ELAVL4: variants seen among roughly 807,000 people sequenced by gnomAD.
ELAVL4 encodes ELAV like RNA binding protein 4, also known as ELAV-like protein 4.
ELAVL4 carries 1 observed loss-of-function variant against 35.6 expected under a neutral mutation model. The observed-to-expected ratio is 0.03, with a 90% CI of 0.01 to 0.13. ELAVL4 has a LOEUF of 0.13. ELAVL4 is among the 10% of genes least tolerant of loss of function. ELAVL4 has a pLI of 1.00. For missense variants in ELAVL4, 267 were observed against 464.9 expected (o/e 0.57, Z 3.91); for synonymous variants, 156 against 171.0 (o/e 0.91, Z 0.69).
At chr1:50,170,432 G>C (rs188811514) in intron 2 of ELAVL4, among the ~76,000 whole-genome samples, 30 of 152,292 alleles carry the variant, frequency 2.0e-4, no homozygotes, top group African/African-American at 6.7e-4. Flanking sequence ...TGGGTGTGTA[G>C]TATCCCCAGA....
intron 1 of ELAVL4, among the ~76,000 whole-genome samples, chr1:50,087,983 C>G (rs1054916216): frequency 6.6e-6 from 1 of 152,210 alleles, no homozygotes; most frequent in Non-Finnish European, 1.5e-5. Context: ...ATTCTGGTTT[C>G]TAGACCCAGT....
At chr1:50,104,832 G>A (rs1440572959), upstream of ELAVL4, among the ~76,000 whole-genome samples, 1 of 152,180 alleles carries the variant, frequency 6.6e-6, no homozygotes, top group Non-Finnish European at 1.5e-5. Flanking sequence ...CAATCACTTG[G>A]AGCTTTCAAC....
intron 3 of ELAVL4, among the ~76,000 whole-genome samples, chr1:50,183,165 A>G (rs1681316226): frequency 6.6e-6 from 1 of 152,068 alleles, no homozygotes; most frequent in South Asian, 2.1e-4. Flanking sequence ...GCCGATTTCC[A>G]TCCTTTTTTT....
At chr1:50,099,560 CAAAAAAA>C (rs750905424), upstream of ELAVL4, among the ~76,000 whole-genome samples, 2 of 56,314 alleles carry the variant, frequency 3.6e-5, no homozygotes, top group Admixed American at 1.9e-4. Flanking sequence ...AACTCCGCCT[CAAAAAAA>C]AAAAAAAAAA....
At chr1:50,106,245 C>A, upstream of ELAVL4, 2 of 1,493,472 alleles carry the variant, frequency 1.3e-6, no homozygotes, top group Non-Finnish European at 1.8e-6. Flanking sequence ...TCCATCTGGA[C>A]TCTGTGTGGG....
intron 2 of ELAVL4, among the ~76,000 whole-genome samples, chr1:50,157,127 A>C (rs576046167): frequency 6.6e-6 from 1 of 152,308 alleles, no homozygotes; most frequent in African/African-American, 2.4e-5. Flanking sequence ...ATGTCAGGAT[A>C]ATTTCTGAGA....
chr1:50,088,585 C>T (rs992543965), intron 1 of ELAVL4, among the ~76,000 whole-genome samples: 1 of 152,156 alleles, frequency 6.6e-6, no homozygotes, highest in Non-Finnish European at 1.5e-5. Context: ...AATTCAATCT[C>T]GGACAAAGTA....
chr1:50,069,961 A>C (rs868353199), intron 1 of ELAVL4, among the ~76,000 whole-genome samples: 1 of 152,190 alleles, frequency 6.6e-6, no homozygotes, highest in African/African-American at 2.4e-5. Flanking sequence ...TTTTAGTGTC[A>C]AGGCTGTTTT....
intron 1 of ELAVL4, among the ~76,000 whole-genome samples, chr1:50,055,564 G>A (rs988737304): frequency 2.0e-5 from 3 of 152,026 alleles, no homozygotes; most frequent in Admixed American, 2.0e-4. Flanking sequence ...CTCCCAAAGT[G>A]CTGGGATTAC....
intron 1 of ELAVL4, among the ~76,000 whole-genome samples, chr1:50,064,945 G>A (rs890519596): frequency 6.6e-6 from 1 of 152,090 alleles, no homozygotes; most frequent in Non-Finnish European, 1.5e-5. Context: ...CTCCTCAAGG[G>A]CCAGTCTTGT....
intron 1 of ELAVL4, among the ~76,000 whole-genome samples, chr1:50,131,047 A>G (rs970978072): frequency 8.5e-5 from 13 of 152,156 alleles, no homozygotes; most frequent in Non-Finnish European, 1.9e-4. Flanking sequence ...TACCAAACAA[A>G]TTTTCTTTGT....
intron 2 of ELAVL4, among the ~76,000 whole-genome samples, chr1:50,146,984 G>T (rs745929631): frequency 3.9e-5 from 6 of 152,016 alleles, no homozygotes; most frequent in African/African-American, 1.4e-4. Flanking sequence ...GTAGTTCACC[G>T]AGTGGATTTG....
At chr1:50,056,128 G>A (rs182214109) in intron 1 of ELAVL4, among the ~76,000 whole-genome samples, 4 of 152,228 alleles carry the variant, frequency 2.6e-5, no homozygotes, top group Admixed American at 1.3e-4. Flanking sequence ...TATTCTCACA[G>A]CATGAGTTTC....
At chr1:50,142,920 A>G (rs1334879953) in intron 1 of ELAVL4, among the ~76,000 whole-genome samples, 2 of 152,258 alleles carry the variant, frequency 1.3e-5, no homozygotes, top group Non-Finnish European at 1.5e-5. Flanking sequence ...GGAAATTGCT[A>G]TAGCAGTGGG....
At chr1:50,121,656 G>GA (rs1161326799) in intron 1 of ELAVL4, among the ~76,000 whole-genome samples, 1 of 151,960 alleles carries the variant, frequency 6.6e-6, no homozygotes, top group African/African-American at 2.4e-5. Flanking sequence ...TTATACAAAG[G>GA]AAAAATAACA....
intron 1 of ELAVL4, among the ~76,000 whole-genome samples, chr1:50,124,165 C>T (rs1048535701): frequency 2.0e-5 from 3 of 152,050 alleles, no homozygotes; most frequent in East Asian, 3.9e-4. Context: ...TCACCAACCC[C>T]AGTTCTGTAA....
At chr1:50,084,682 G>A (rs1457847400) in intron 1 of ELAVL4, among the ~76,000 whole-genome samples, 1 of 152,088 alleles carries the variant, frequency 6.6e-6, no homozygotes, top group Non-Finnish European at 1.5e-5. Context: ...CTTTGCACTG[G>A]CCATTTCCTC....
chr1:50,172,030 C>A (rs1329388405), intron 2 of ELAVL4, among the ~76,000 whole-genome samples: 1 of 152,210 alleles, frequency 6.6e-6, no homozygotes, highest in Non-Finnish European at 1.5e-5. Flanking sequence ...TGGCTGCCTC[C>A]TCAGGGGCTT....
chr1:50,178,510 T>A (rs1680470067), intron 3 of ELAVL4, among the ~76,000 whole-genome samples: 1 of 152,234 alleles, frequency 6.6e-6, no homozygotes, highest in Non-Finnish European at 1.5e-5. Context: ...AGCTTATTTC[T>A]AAAGATGATT....
Sources: gnomAD v4.1 joint callset for allele counts (sites outside exome capture counted in the v4.1 genomes callset) on GRCh38, gnomAD v4.1.1 for gene constraint, MANE v1.5 for transcripts, NCBI Gene and HGNC (gene_info 2026-07-23, HGNC 2026-07-21) for gene names.